The following BAALC variants were observed in gnomAD, a reference collection of about 807,000 sequenced individuals.
BAALC encodes BAALC binder of MAP3K1 and KLF4, also known as brain and acute leukemia cytoplasmic protein.
A neutral mutation model predicts 15.5 loss-of-function variants in BAALC; 9 were observed. The ratio of observed to expected loss-of-function variants is 0.58; its 90% CI spans 0.35 to 1.02. The LOEUF (loss-of-function observed/expected upper bound fraction) is 1.02, where lower values mean the gene tolerates loss of function less well. Ranked by LOEUF, BAALC falls within the 50% of genes least tolerant of loss-of-function variation. The pLI is 0.02. For missense variants in BAALC, 201 were observed against 192.4 expected (o/e 1.04, Z -0.27); for synonymous variants, 80 against 74.6 (o/e 1.07, Z -0.37).
intron 1 of BAALC, among the ~76,000 whole-genome samples, chr8:103,193,833 GT>G (rs1382994151): frequency 2.0e-5 from 3 of 152,204 alleles, no homozygotes; most frequent in African/African-American, 7.2e-5. Flanking sequence ...TCCAAAAGCA[GT>G]GCCCACACCA....
intron 1 of BAALC, among the ~76,000 whole-genome samples, chr8:103,180,318 A>G (rs1811698319): frequency 6.6e-6 from 1 of 152,166 alleles, no homozygotes; most frequent in South Asian, 2.1e-4. Context: ...GTTTCCAGAA[A>G]TCTAACTGCA....
intron 1 of BAALC, among the ~76,000 whole-genome samples, chr8:103,185,227 C>T (rs767260766): frequency 6.6e-6 from 1 of 152,094 alleles, no homozygotes; most frequent in Non-Finnish European, 1.5e-5. Context: ...ATGGTCTCTG[C>T]TCATTCCTGT....
intron 2 of BAALC, among the ~76,000 whole-genome samples, chr8:103,218,773 A>G (rs904058934): frequency 5.3e-5 from 8 of 152,142 alleles, no homozygotes; most frequent in Non-Finnish European, 1.0e-4. Flanking sequence ...TTCTCAGCTA[A>G]GGAGTTTTCT....
At chr8:103,203,979 T>C (rs780647936) in intron 1 of BAALC, among the ~76,000 whole-genome samples, 1 of 152,240 alleles carries the variant, frequency 6.6e-6, no homozygotes, top group Non-Finnish European at 1.5e-5. Context: ...GGTACCACTA[T>C]GTTCAACCTT....
Position 103,148,738 on chromosome 8 carries a change from C to T in BAALC, c.160+7681C>T, listed in dbSNP as rs184125156. The stretch of plus-strand genomic sequence containing the variant: ...GCAGGTTTCCGTTGTTTAAGCCATG[C>T]GGTTTGTGGCACTTTGTTATGGCAG... On this transcript the variant is annotated intron_variant, in intron 1 of 2. Transcript: ENST00000309982. Among the ~76,000 whole-genome samples, 129 of 152,190 alleles carry T rather than the reference C, an allele frequency of 8.5e-4. 1 individual carries two copies. The highest frequency in any genetic ancestry group is 7.4e-3 in the Admixed American group (113 of 15,302).
At chr8:103,148,666 T>A (rs1810922847) in intron 1 of BAALC, among the ~76,000 whole-genome samples, 3 of 152,188 alleles carry the variant, frequency 2.0e-5, no homozygotes, top group Admixed American at 1.3e-4. Context: ...GTAACCGGCC[T>A]GCTGATATCT....
In BAALC at chr8:103,194,619, T is replaced by C. The variant is rs756613047; in HGVS notation, c.161-18300T>C. On this transcript the variant is annotated intron_variant, in intron 1 of 2. Coordinates refer to ENST00000309982, the MANE Select transcript of BAALC (RefSeq NM_024812.3). ...AGCTGTCAGTTCATTCATGTTGTTATAACAAAATATCTGAGGGTGGGTCAT... is the reference window on the plus strand; with the variant it reads ...AGCTGTCAGTTCATTCATGTTGTTACAACAAAATATCTGAGGGTGGGTCAT... 2.0e-5 allele frequency among the ~76,000 whole-genome samples: 3 copies of C among 152,224 alleles called. No individual in the cohort carries two copies. In the East Asian group the frequency reaches 5.8e-4, roughly 29 times the overall value.
intron 2 of BAALC, among the ~76,000 whole-genome samples, chr8:103,225,213 T>C (rs1376942578): frequency 6.6e-6 from 1 of 152,192 alleles, no homozygotes; most frequent in Admixed American, 6.5e-5. Context: ...GTGCATTCAT[T>C]CATTCATTCA....
intron 2 of BAALC, among the ~76,000 whole-genome samples, chr8:103,221,632 T>C (rs1340561921): frequency 6.6e-6 from 1 of 152,192 alleles, no homozygotes; most frequent in Non-Finnish European, 1.5e-5. Context: ...AATGGTGTGA[T>C]TGTTTCTTGT....
chr8:103,146,294 G>T (rs147889355), intron 1 of BAALC, among the ~76,000 whole-genome samples: 1 of 152,286 alleles, frequency 6.6e-6, no homozygotes, highest in Non-Finnish European at 1.5e-5. Flanking sequence ...GAGAGGAACA[G>T]GAGTGCAGCC....
intron 1 of BAALC, among the ~76,000 whole-genome samples, chr8:103,194,405 T>C (rs1330768867): frequency 6.6e-6 from 1 of 152,212 alleles, no homozygotes; most frequent in African/African-American, 2.4e-5. Flanking sequence ...CACAAAATGA[T>C]GTGAATTTAT....
At chr8:103,184,529 C>T (rs1177994915) in intron 1 of BAALC, among the ~76,000 whole-genome samples, 1 of 152,190 alleles carries the variant, frequency 6.6e-6, no homozygotes, top group Non-Finnish European at 1.5e-5. Context: ...AATGCTGGCT[C>T]TGAGAGGCTT....
At chr8:103,167,506 C>A (rs546086954) in intron 1 of BAALC, among the ~76,000 whole-genome samples, 1 of 152,300 alleles carries the variant, frequency 6.6e-6, no homozygotes, top group South Asian at 2.1e-4. Flanking sequence ...CCATATTGGA[C>A]AGCACAGGCA....
chr8:103,154,687 C>T (rs1811053175), intron 1 of BAALC: 1 of 154,236 alleles, frequency 6.5e-6, no homozygotes, highest in Non-Finnish European at 1.5e-5. Flanking sequence ...CACCTGTCAC[C>T]CCAAAAGCCT....
At chr8:103,169,659 C>G (rs532524582) in intron 1 of BAALC, among the ~76,000 whole-genome samples, 1 of 152,298 alleles carries the variant, frequency 6.6e-6, no homozygotes, top group South Asian at 2.1e-4. Flanking sequence ...CAATTTCCTA[C>G]CTGGAGGGCA....
intron 1 of BAALC, among the ~76,000 whole-genome samples, chr8:103,146,240 C>G (rs938314105): frequency 1.3e-5 from 2 of 152,124 alleles, no homozygotes; most frequent in African/African-American, 4.8e-5. Flanking sequence ...CTGCAGGAGC[C>G]CAGCAGAGGA....
chr8:103,177,672 A>G (rs1378352165), intron 1 of BAALC, among the ~76,000 whole-genome samples: 4 of 152,172 alleles, frequency 2.6e-5, no homozygotes, highest in African/African-American at 9.7e-5. Flanking sequence ...CTAGAGTTCT[A>G]ATTGTTGCTT....
chr8:103,186,612 G>A (rs1008745949), intron 1 of BAALC, among the ~76,000 whole-genome samples: 5 of 152,194 alleles, frequency 3.3e-5, no homozygotes, highest in African/African-American at 1.2e-4. Context: ...TAATCTTCCT[G>A]CTACCCCAGG....
chr8:103,175,209 ACTTT>A (rs1811581493), intron 1 of BAALC, among the ~76,000 whole-genome samples: 1 of 152,148 alleles, frequency 6.6e-6, no homozygotes, highest in South Asian at 2.1e-4. Context: ...TCTCTGCTTC[ACTTT>A]CTTTCTCTCT....
Sources: allele counts gnomAD v4.1 joint callset (sites outside exome capture counted in the v4.1 genomes callset), GRCh38; gene constraint gnomAD v4.1.1; transcripts MANE v1.5; gene names NCBI Gene and HGNC (gene_info 2026-07-23, HGNC 2026-07-21).